Variants in GALNT13 observed in about 807,000 individuals in gnomAD.
The protein encoded by GALNT13 is UDP-GalNAc:polypeptide N-acetylgalactosaminyltransferase 13.
A neutral mutation model predicts 64.2 loss-of-function variants in GALNT13; 28 were observed. The observed-to-expected ratio is 0.44, with a 90% CI of 0.32 to 0.60. GALNT13 has a LOEUF of 0.60. Among genes scored for constraint, GALNT13 ranks in the 20% least tolerant of loss-of-function variants. The pLI, the probability that GALNT13 is intolerant of heterozygous loss-of-function variation, is 0.05. For missense variants in GALNT13, 577 were observed against 669.8 expected (o/e 0.86, Z 1.53); for synonymous variants, 214 against 224.6 (o/e 0.95, Z 0.42).
chr2:153,146,646 C>A, the GALNT13 span, among the ~76,000 whole-genome samples: 1 of 151,844 alleles, frequency 6.6e-6, no homozygotes, highest in Non-Finnish European at 1.5e-5. Flanking sequence ...GTCAGCCAGT[C>A]TTCTTGAATC....
At chr2:153,960,368 G>T (rs1299102758) in intron 3 of GALNT13, among the ~76,000 whole-genome samples, 1 of 152,190 alleles carries the variant, frequency 6.6e-6, no homozygotes, top group African/African-American at 2.4e-5. Context: ...TCTTGGCTTT[G>T]CCCAGGAAAC....
chr2:153,515,835 G>A, the GALNT13 span, among the ~76,000 whole-genome samples: 1 of 152,158 alleles, frequency 6.6e-6, no homozygotes, highest in Non-Finnish European at 1.5e-5. Flanking sequence ...AAAAAAGTAT[G>A]TGAGGAATTA....
intron 4 of GALNT13, among the ~76,000 whole-genome samples, chr2:154,149,637 C>T (rs1229810956): frequency 6.6e-6 from 1 of 152,030 alleles, no homozygotes; most frequent in Non-Finnish European, 1.5e-5. Context: ...TGAAGAGGTC[C>T]TTCACGTCCC....
chr2:154,066,630 A>G (rs1204287660), intron 3 of GALNT13, among the ~76,000 whole-genome samples: 1 of 152,086 alleles, frequency 6.6e-6, no homozygotes, highest in Non-Finnish European at 1.5e-5. Context: ...TATATCCAGC[A>G]AAAAATATTC....
intron 4 of GALNT13, among the ~76,000 whole-genome samples, chr2:154,189,115 G>A (rs1457598734): frequency 6.6e-6 from 1 of 152,040 alleles, no homozygotes; most frequent in Non-Finnish European, 1.5e-5. Flanking sequence ...TATTCATATA[G>A]TTGTACTCTG....
the GALNT13 span, among the ~76,000 whole-genome samples, chr2:153,153,051 T>C: frequency 3.9e-5 from 6 of 152,150 alleles, no homozygotes; most frequent in East Asian, 1.2e-3. Context: ...CATTTTTCTC[T>C]ATAACCTTGC....
chr2:154,006,578 A>G (rs993067879), intron 3 of GALNT13, among the ~76,000 whole-genome samples: 4 of 152,194 alleles, frequency 2.6e-5, no homozygotes, highest in African/African-American at 9.6e-5. Flanking sequence ...CCAGTTGCAA[A>G]TTAGCGTTTT....
intron 2 of GALNT13, among the ~76,000 whole-genome samples, chr2:153,909,939 C>T (rs1032419024): frequency 6.6e-6 from 1 of 151,992 alleles, no homozygotes; most frequent in African/African-American, 2.4e-5. Flanking sequence ...TGATGCTGGC[C>T]TCATAGAATG....
chr2:153,906,141 G>C (rs1386305586), intron 2 of GALNT13, among the ~76,000 whole-genome samples: 1 of 151,532 alleles, frequency 6.6e-6, no homozygotes, highest in Non-Finnish European at 1.5e-5. Context: ...CATAAGTAAG[G>C]GGGGACTTAT....
At chr2:153,743,830 A>G in the GALNT13 span, among the ~76,000 whole-genome samples, 1 of 152,066 alleles carries the variant, frequency 6.6e-6, no homozygotes, top group East Asian at 1.9e-4. Flanking sequence ...ACAACACTCC[A>G]TGACTCTTTC....
chr2:153,508,403 G>C, the GALNT13 span, among the ~76,000 whole-genome samples: 2 of 152,152 alleles, frequency 1.3e-5, no homozygotes, highest in Non-Finnish European at 2.9e-5. Context: ...ATGGGGGATG[G>C]TGGTGTGGTT....
chr2:153,841,351 A>G, the GALNT13 span, among the ~76,000 whole-genome samples: 4 of 152,274 alleles, frequency 2.6e-5, no homozygotes, highest in Non-Finnish European at 5.9e-5. Flanking sequence ...CATAATTTGA[A>G]TTTATTTTTA....
At chr2:153,412,062 G>A in the GALNT13 span, among the ~76,000 whole-genome samples, 4 of 152,182 alleles carry the variant, frequency 2.6e-5, no homozygotes, top group East Asian at 1.9e-4. Context: ...CATCTTTCTC[G>A]TGTGCTGGAT....
intron 9 of GALNT13, among the ~76,000 whole-genome samples, chr2:154,391,102 A>G (rs77192475): frequency 3.0e-4 from 46 of 152,118 alleles, no homozygotes; most frequent in African/African-American, 1.1e-3. Context: ...ATGTGGATTT[A>G]TCTTACTTCT....
At chr2:154,290,697 T>G (rs1226822051) in intron 8 of GALNT13, among the ~76,000 whole-genome samples, 1 of 152,208 alleles carries the variant, frequency 6.6e-6, no homozygotes, top group Non-Finnish European at 1.5e-5. Context: ...ATTCTTGGTC[T>G]CACTGACTTC....
the GALNT13 span, among the ~76,000 whole-genome samples, chr2:153,521,999 A>G: frequency 6.6e-6 from 1 of 152,098 alleles, no homozygotes; most frequent in African/African-American, 2.4e-5. Flanking sequence ...AACTCCTATA[A>G]ACATCTGTAT....
At chr2:153,810,311 C>T in the GALNT13 span, among the ~76,000 whole-genome samples, 1 of 152,076 alleles carries the variant, frequency 6.6e-6, no homozygotes, top group Non-Finnish European at 1.5e-5. Flanking sequence ...TACAATTAGG[C>T]CAGAGAAACA....
the GALNT13 span, among the ~76,000 whole-genome samples, chr2:153,582,824 C>G: frequency 6.6e-6 from 1 of 152,114 alleles, no homozygotes; most frequent in Non-Finnish European, 1.5e-5. Context: ...TGGGATGCCT[C>G]TAGCTTTTTA....
chr2:154,288,698 C>T (rs777440813), intron 8 of GALNT13, among the ~76,000 whole-genome samples: 1 of 152,304 alleles, frequency 6.6e-6, no homozygotes, highest in South Asian at 2.1e-4. Context: ...CAAATGATTC[C>T]GTTGACTCCA....
Sources: gnomAD v4.1 joint callset for allele counts (sites outside exome capture counted in the v4.1 genomes callset) on GRCh38, gnomAD v4.1.1 for gene constraint, MANE v1.5 for transcripts, NCBI Gene and HGNC (gene_info 2026-07-23, HGNC 2026-07-21) for gene names.